The following ABITRAM variants were observed in gnomAD, a reference collection of about 807,000 sequenced individuals.
ABITRAM encodes the protein actin binding transcription modulator.
A neutral mutation model predicts 22.9 loss-of-function variants in ABITRAM; 19 were observed. The ratio of observed to expected loss-of-function variants is 0.83; its 90% CI spans 0.58 to 1.22. ABITRAM has a LOEUF of 1.22. ABITRAM is among the 50% of genes most tolerant of loss of function. ABITRAM has a pLI of 0.00. For synonymous variants in ABITRAM, 70 were observed against 73.9 expected (o/e 0.95, Z 0.27); for missense variants, 215 against 220.2 (o/e 0.98, Z 0.15).
chr9:108,938,306 T>C (rs1403468197), intron 3 of ABITRAM, among the ~76,000 whole-genome samples: 1 of 152,180 alleles, frequency 6.6e-6, no homozygotes, highest in African/African-American at 2.4e-5. Context: ...CTGAATGCCA[T>C]CTAAAAATGT....
exon 4 of ABITRAM, chr9:108,950,565 G>A (rs1364295468): frequency 1.3e-6 from 2 of 1,550,260 alleles, no homozygotes; most frequent in East Asian, 4.9e-5. Flanking sequence ...ATGCCTCTAA[G>A]CTTGGGACTG....
At position 108,950,404 on chromosome 9, in the gene ABITRAM, A is replaced by C. The variant is rs972808360; in HGVS notation, c.262-103A>C. ...AAGAACAATGGAAGGAAACCACCAA[A>C]GGAATGGTCTCCAATGATGGAAAAT... is the stretch of plus-strand genomic sequence containing the variant. On this transcript the variant is annotated intron_variant, in intron 3 of 3. Transcript: ENST00000374624. The C allele has an allele frequency of 9.8e-6, 12 of 1,227,676 alleles. No homozygotes were observed. In the Admixed American group the frequency reaches 1.7e-4, roughly 17 times the overall value. The allele number at this position is 1,227,676 out of a possible 1,614,324, so 76.0% of individuals were successfully genotyped here.
downstream of ABITRAM, among the ~76,000 whole-genome samples, chr9:108,945,907 T>C (rs1564119022): frequency 6.6e-6 from 1 of 152,152 alleles, no homozygotes; most frequent in Non-Finnish European, 1.5e-5. Flanking sequence ...AAATGCTCGA[T>C]TTCCACCCTC....
Position 108,939,795 on chromosome 9 carries a change from C to T in ABITRAM, c.*109C>T, listed in dbSNP as rs1210855628. ...ATGTAAAGCATACCTAACAGCCAGCCATATGCAGGGGAGGCCTAGTGCTTC... is the reference window on the plus strand; with the variant it reads ...ATGTAAAGCATACCTAACAGCCAGCTATATGCAGGGGAGGCCTAGTGCTTC... On this transcript the variant is annotated 3_prime_UTR_variant, in exon 6 of 6. Coordinates refer to ENST00000322940, the MANE Select transcript of ABITRAM (RefSeq NM_017832.4). The T allele has an allele frequency of 1.5e-6, 2 of 1,297,778 alleles. No homozygotes were observed. The highest frequency in any genetic ancestry group is 2.4e-5 in the East Asian group (1 of 41,984). The allele number at this position is 1,297,778 out of a possible 1,614,324, so 80.4% of individuals were successfully genotyped here. A position where few individuals can be genotyped will look rare whatever the true frequency, so the allele number is the denominator to read the frequency against.
chr9:108,939,318 T>C, intron 4 of ABITRAM, 46 bp downstream of exon 4: 1 of 1,588,536 alleles, frequency 6.3e-7, no homozygotes. Context: ...AGGGAGGTAA[T>C]TTTTTTTCTT....
downstream of ABITRAM, chr9:108,942,717 A>G: frequency 8.7e-7 from 1 of 1,151,134 alleles, no homozygotes; most frequent in Non-Finnish European, 1.3e-6. Flanking sequence ...TTGATTTTTA[A>G]AAATGTCAGC....
intron 3 of ABITRAM, 47 bp from the exon 4 acceptor site, chr9:108,939,149 A>G (rs1830225913): frequency 6.5e-7 from 1 of 1,533,876 alleles, no homozygotes; most frequent in Non-Finnish European, 9.0e-7. Flanking sequence ...CTCAAAGGAA[A>G]GTGGAAATGT....
rs1830128444 is a variant in ABITRAM, at chr9:108,934,431, G to GCGCGGAGGAAGCGCTGGGGT, written c.-54_-35dup. 4.0e-6 allele frequency: 6 copies of GCGCGGAGGAAGCGCTGGGGT among 1,495,008 alleles called. No individual in the cohort carries two copies. Among genetic ancestry groups the GCGCGGAGGAAGCGCTGGGGT allele is most frequent in the Admixed American group, 2.0e-5 (1 of 49,506 alleles). The allele number at this position is 1,495,008 out of a possible 1,614,324, so 92.6% of individuals were successfully genotyped here. Reference sequence around the variant, plus strand: ...CGGAAGAGCACGCCCAGTCCGGGCTGCGCGGAGGAAGCGCTGGGGTCCCGG... The same window carrying GCGCGGAGGAAGCGCTGGGGT: ...CGGAAGAGCACGCCCAGTCCGGGCTGCGCGGAGGAAGCGCTGGGGTCGCGGAGGAAGCGCTGGGGTCCCGG... On this transcript the variant is annotated 5_prime_UTR_variant, in exon 1 of 6. Coordinates refer to ENST00000322940, the MANE Select transcript of ABITRAM (RefSeq NM_017832.4).
At chr9:108,943,158 T>C, downstream of ABITRAM, 1 of 972,226 alleles carries the variant, frequency 1.0e-6, no homozygotes, top group Non-Finnish European at 1.5e-6. Context: ...TAAGGGATCT[T>C]GAAAGAGATA....
At chr9:108,934,892 A>AGG (rs1229112015) in intron 1 of ABITRAM, among the ~76,000 whole-genome samples, 1 of 152,148 alleles carries the variant, frequency 6.6e-6, no homozygotes, top group African/African-American at 2.4e-5. Flanking sequence ...GGAGGGATTG[A>AGG]GGGGCTCACT....
chr9:108,938,383 G>A (rs1336949210), intron 3 of ABITRAM, among the ~76,000 whole-genome samples: 1 of 152,154 alleles, frequency 6.6e-6, no homozygotes, highest in Non-Finnish European at 1.5e-5. Flanking sequence ...GTCCACTACA[G>A]GAAAAATTCA....
chr9:108,936,552 T>C (rs979692563), intron 3 of ABITRAM, 115 bp downstream of exon 3: 2 of 1,167,468 alleles, frequency 1.7e-6, no homozygotes, highest in Non-Finnish European at 2.4e-6. Context: ...CTCTAGCAGT[T>C]TGAGGTGCTA....
downstream of ABITRAM, chr9:108,942,726 G>C (rs999468716): frequency 3.3e-6 from 4 of 1,203,134 alleles, no homozygotes; most frequent in African/African-American, 3.1e-5. Context: ...AAAAATGTCA[G>C]CTTCATCACA....
At chr9:108,938,693 G>GA (rs199760313) in intron 3 of ABITRAM, among the ~76,000 whole-genome samples, 12 of 131,384 alleles carry the variant, frequency 9.1e-5, no homozygotes, top group African/African-American at 3.1e-4. Flanking sequence ...ATTACAAAGG[G>GA]GGGGGGGGGA....
chr9:108,938,371 A>G (rs543179951), intron 3 of ABITRAM, among the ~76,000 whole-genome samples: 28 of 152,352 alleles, frequency 1.8e-4, no homozygotes, highest in South Asian at 1.0e-3. Flanking sequence ...TGAAATGCCT[A>G]TGTCCACTAC....
intron 3 of ABITRAM, among the ~76,000 whole-genome samples, chr9:108,948,542 G>A (rs1466193262): frequency 3.9e-5 from 6 of 151,998 alleles, no homozygotes; most frequent in African/African-American, 4.8e-5. Context: ...TTAAATATGT[G>A]AGATTTGATA....
rs754889343 is a variant in ABITRAM at position 108,936,430 on chromosome 9, T to G, written c.254T>G (p.Phe85Cys). Residue 85 changes from phenylalanine (F) to cysteine (C), a missense_variant, in exon 3 of 6, where the codon TTT becomes TGT. Physicochemically the swap from Phe to Cys is radical, Grantham distance 205 (BLOSUM62 -2). Transcript: ENST00000322940. The part of the protein sequence containing the change: ...SRLQNKVSGK[F>C]KRGAQFLTEL... ...CTTCAGAACAAGGTCTCTGGGAAATTTAAGCGGGTATGTTCCTGTAATTCT... is the reference window on the plus strand; with the variant it reads ...CTTCAGAACAAGGTCTCTGGGAAATGTAAGCGGGTATGTTCCTGTAATTCT... The G allele has an allele frequency of 3.5e-5, 56 of 1,613,494 alleles. No homozygotes were observed. The highest frequency in any genetic ancestry group is 4.5e-5 in the Non-Finnish European group (53 of 1,179,768).
rs1564115832 is a variant in ABITRAM, at chr9:108,939,430, TA to T, written c.386del (p.Lys129SerfsTer28). The T allele has an allele frequency of 6.2e-6, 10 of 1,611,094 alleles. No individual in the cohort carries two copies. Among genetic ancestry groups the T allele is most frequent in the Non-Finnish European group, 8.5e-6 (10 of 1,179,266 alleles). On this transcript the variant is annotated frameshift_variant, in exon 5 of 6. Transcript: ENST00000322940. LOFTEE classifies it high-confidence loss of function. Reference protein sequence around the residue: ...LMEVNENILHKPSILQEKPST... With the variant: ...LMEVNENILHXPSILQEKPST... Reference sequence around the variant, plus strand: ...TGGAAGTGAATGAAAACATCCTCCATAAGCCATCTATTCTTCAAGAAAAGGT... The same window carrying T: ...TGGAAGTGAATGAAAACATCCTCCATAGCCATCTATTCTTCAAGAAAAGGT...
At chr9:108,938,207 C>G (rs1382299269) in intron 3 of ABITRAM, among the ~76,000 whole-genome samples, 4 of 152,188 alleles carry the variant, frequency 2.6e-5, no homozygotes, top group African/African-American at 7.2e-5. Context: ...AAGCCTTCCC[C>G]TTCCTTCCAA....
Sources: allele counts gnomAD v4.1 joint callset (sites outside exome capture counted in the v4.1 genomes callset), GRCh38; gene constraint gnomAD v4.1.1; transcripts MANE v1.5; gene names NCBI Gene and HGNC (gene_info 2026-07-23, HGNC 2026-07-21).